Variants in TUBB8B observed in about 807,000 individuals in gnomAD.
TUBB8B encodes tubulin beta 8B.
Under a neutral mutation model 31.9 loss-of-function variants are expected in TUBB8B, and 26 were observed. The observed-to-expected ratio is 0.81, with a 90% CI of 0.60 to 1.13. The LOEUF (loss-of-function observed/expected upper bound fraction) is 1.13. TUBB8B is among the 50% of genes most tolerant of loss of function. TUBB8B has a pLI of 0.00. For missense variants in TUBB8B, 467 were observed against 586.7 expected, an observed-to-expected ratio of 0.80 and a Z score of 2.11; for synonymous variants, 173 against 231.0, an observed-to-expected ratio of 0.75 and a Z score of 2.28.
upstream of TUBB8B, among the ~76,000 whole-genome samples, chr18:53,605 A>T (rs547092493): frequency 5.9e-5 from 9 of 151,880 alleles, no homozygotes; most frequent in African/African-American, 2.2e-4. Flanking sequence ...AGTAGCTGGG[A>T]TTACAGGCAT....
At chr18:56,657 A>ATGTTAATT in the TUBB8B span, among the ~76,000 whole-genome samples, 1 of 151,918 alleles carries the variant, frequency 6.6e-6, no homozygotes, top group African/African-American at 2.4e-5. Flanking sequence ...TGATTTGTAT[A>ATGTTAATT]TGTTAATTTT....
chr18:56,018 G>A, the TUBB8B span, among the ~76,000 whole-genome samples: 1 of 151,852 alleles, frequency 6.6e-6, no homozygotes, highest in Non-Finnish European at 1.5e-5. Flanking sequence ...TATTTTGCAA[G>A]AAATAGTGTT....
At chr18:70,555 A>G in the TUBB8B span, among the ~76,000 whole-genome samples, 1 of 152,234 alleles carries the variant, frequency 6.6e-6, no homozygotes, top group Non-Finnish European at 1.5e-5. Flanking sequence ...GAATCGCTTG[A>G]GTCCAGGAAG....
chr18:66,933 C>T, the TUBB8B span, among the ~76,000 whole-genome samples: 1 of 151,332 alleles, frequency 6.6e-6, no homozygotes, highest in East Asian at 1.9e-4. Flanking sequence ...TGTAAGCTTT[C>T]GTGAATTTAC....
At chr18:54,363 C>T (rs1051521163), upstream of TUBB8B, among the ~76,000 whole-genome samples, 1 of 151,840 alleles carries the variant, frequency 6.6e-6, no homozygotes, top group African/African-American at 2.4e-5. Flanking sequence ...TCCCCTCAAG[C>T]ATTTATAGCT....
At chr18:69,468 C>G in the TUBB8B span, among the ~76,000 whole-genome samples, 1 of 152,216 alleles carries the variant, frequency 6.6e-6, no homozygotes, top group Non-Finnish European at 1.5e-5. Context: ...CACTCTCCTC[C>G]TGACTCTTCA....
the TUBB8B span, among the ~76,000 whole-genome samples, chr18:70,452 G>C: frequency 6.6e-6 from 1 of 151,952 alleles, no homozygotes; most frequent in East Asian, 1.9e-4. Context: ...TGCCAACATG[G>C]TGAAACCCCA....
At chr18:66,657 A>G in the TUBB8B span, among the ~76,000 whole-genome samples, 1 of 152,192 alleles carries the variant, frequency 6.6e-6, no homozygotes, top group Non-Finnish European at 1.5e-5. Context: ...AATCATGTTG[A>G]TTTTATTACT....
chr18:70,987 C>T, the TUBB8B span, among the ~76,000 whole-genome samples: 1 of 151,670 alleles, frequency 6.6e-6, no homozygotes, highest in Admixed American at 6.6e-5. Context: ...GTGGCTCATG[C>T]CTGTAATCCC....
chr18:70,813 C>G, the TUBB8B span, among the ~76,000 whole-genome samples: 1 of 151,656 alleles, frequency 6.6e-6, no homozygotes, highest in Non-Finnish European at 1.5e-5. Context: ...TAGCCACATG[C>G]CTGTAATCCC....
chr18:47,819 G>A lies in TUBB8B; in HGVS notation c.906C>T (p.Ala302=), dbSNP rs1263313902. The A allele has an allele frequency of 5.0e-6, 8 of 1,611,734 alleles. No individual in the cohort carries two copies. The highest frequency in any genetic ancestry group is 1.1e-5 in the South Asian group (1 of 91,006). ...QMFDAKNMMA[A]CDPRHGCYLT... ...GGTAGCAGCCGTGACGGGGGTCACA[G>A]GCAGCCATCATGTTCTTAGCATCAA... is the stretch of plus-strand genomic sequence containing the variant. The change falls in exon 4 of 4, where the codon GCC becomes GCT. Residue 302 remains alanine (A), a synonymous_variant. Transcript: ENST00000308911.
the TUBB8B span, among the ~76,000 whole-genome samples, chr18:65,237 G>A: frequency 4.6e-5 from 7 of 151,978 alleles, no homozygotes; most frequent in Admixed American, 1.3e-4. Context: ...GGAGCCAGAG[G>A]TTGCAGTGAG....
At chr18:66,820 G>C in the TUBB8B span, among the ~76,000 whole-genome samples, 1 of 152,212 alleles carries the variant, frequency 6.6e-6, no homozygotes, top group African/African-American at 2.4e-5. Flanking sequence ...CGTGGGGATT[G>C]TAACAGGATC....
At chr18:67,174 T>G in the TUBB8B span, among the ~76,000 whole-genome samples, 1 of 152,154 alleles carries the variant, frequency 6.6e-6, no homozygotes, top group Non-Finnish European at 1.5e-5. Context: ...GTTTTGTATT[T>G]TTAGTACAGA....
In TUBB8B at chr18:47,735, C is replaced by T. The variant is rs773287538; in HGVS notation, c.990G>A (p.Met330Ile). ...RMPMREVDEQ[M>I]FNIQDKNSSY... is the part of the protein sequence containing the mutation. ...TGCTGTTCTTATCTTGAATGTTGAA[C>T]ATTTGTTCATCCACCTCCCTCATGG... Residue 330 changes from methionine (M) to isoleucine (I), a missense_variant, in exon 4 of 4, where the codon ATG becomes ATA. This residue lies in a region of TUBB8B where 208 missense variants were observed against 206.7 expected (regional missense o/e 1.01). Coordinates refer to ENST00000308911, the MANE Select transcript of TUBB8B (RefSeq NM_001358689.2). 4.3e-6 allele frequency: 7 copies of T among 1,610,884 alleles called. No individual in the cohort carries two copies. The highest frequency in any genetic ancestry group is 2.7e-5 in the African/African-American group (2 of 74,876).
the TUBB8B span, among the ~76,000 whole-genome samples, chr18:64,396 A>G: frequency 1.3e-5 from 2 of 152,170 alleles, no homozygotes; most frequent in Non-Finnish European, 2.9e-5. Flanking sequence ...TACTAAAGGA[A>G]GTGCTAATTA....
At chr18:68,821 C>T in the TUBB8B span, among the ~76,000 whole-genome samples, 2 of 152,148 alleles carry the variant, frequency 1.3e-5, no homozygotes, top group Non-Finnish European at 2.9e-5. Context: ...GGCATTCAAC[C>T]CCAGTGGCCT....
At chr18:67,040 G>A in the TUBB8B span, among the ~76,000 whole-genome samples, 2 of 149,490 alleles carry the variant, frequency 1.3e-5, no homozygotes, top group African/African-American at 5.0e-5. Flanking sequence ...CTGTCACCCA[G>A]GGTGGAGTGC....
At chr18:72,424 T>C in the TUBB8B span, among the ~76,000 whole-genome samples, 8 of 152,210 alleles carry the variant, frequency 5.3e-5, no homozygotes, top group African/African-American at 1.9e-4. Flanking sequence ...CGTCATTTTA[T>C]GTACCATTAC....
Sources: gnomAD v4.1 joint callset for allele counts (sites outside exome capture counted in the v4.1 genomes callset) on GRCh38, gnomAD v4.1.1 for gene constraint, gnomAD v4.1.1 regional missense constraint, MANE v1.5 for transcripts, NCBI Gene and HGNC (gene_info 2026-07-23, HGNC 2026-07-21) for gene names.